Variants in CERKL observed in about 807,000 individuals in gnomAD.
CERKL encodes CERK like autophagy regulator.
In CERKL, 61 loss-of-function variants were observed where a neutral mutation model predicts 63.4. The observed-to-expected ratio is 0.96, with a 90% CI of 0.78 to 1.19. CERKL has a LOEUF of 1.19. Ranked by LOEUF, CERKL falls within the 50% of genes most tolerant of loss-of-function variation. The pLI, the probability that CERKL is intolerant of heterozygous loss-of-function variation, is 0.00. For synonymous variants in CERKL, 250 were observed against 230.5 expected (o/e 1.08, Z -0.77); for missense variants, 675 against 655.5 (o/e 1.03, Z -0.33).
intron 2 of CERKL, among the ~76,000 whole-genome samples, chr2:181,598,155 C>A (rs144621768): frequency 6.6e-6 from 1 of 152,106 alleles, no homozygotes; most frequent in Non-Finnish European, 1.5e-5. Flanking sequence ...AGTGAGAATG[C>A]CACTTAGGCT....
At position 181,579,988 on chromosome 2, in the gene CERKL, C is replaced by T. The variant is rs534229644; in HGVS notation, c.482-6104G>A. 2.0e-5 allele frequency among the ~76,000 whole-genome samples: 3 copies of T among 151,964 alleles called. No homozygotes were observed. The South Asian group carries it at 6.2e-4, about 32-fold the overall frequency. ...TTTAAACATTATAGTTTTATAATGA[C>T]TTAATAGTCAATAAGACTGGTCTCT... On this transcript the variant is annotated intron_variant, in intron 2 of 12. Coordinates refer to ENST00000410087, the MANE Select transcript of CERKL (RefSeq NM_201548.5).
chr2:181,539,677 A>G (rs1365621862), intron 11 of CERKL, among the ~76,000 whole-genome samples: 1 of 152,196 alleles, frequency 6.6e-6, no homozygotes, highest in African/African-American at 2.4e-5. Flanking sequence ...ATTTGGAAGA[A>G]CGCAAGTCTA....
intron 2 of CERKL, among the ~76,000 whole-genome samples, chr2:181,577,344 G>C (rs574646458): frequency 5.9e-5 from 9 of 152,196 alleles, no homozygotes; most frequent in Non-Finnish European, 1.2e-4. Context: ...CTAATGGATT[G>C]AGCTTCAACA....
chr2:181,641,077 G>T (rs1687399662), intron 1 of CERKL, among the ~76,000 whole-genome samples: 1 of 152,064 alleles, frequency 6.6e-6, no homozygotes, highest in African/African-American at 2.4e-5. Flanking sequence ...CAGACTAAGA[G>T]AGTTACCATT....
intron 2 of CERKL, among the ~76,000 whole-genome samples, chr2:181,597,133 A>G (rs1373348221): frequency 6.6e-6 from 1 of 152,184 alleles, no homozygotes; most frequent in Non-Finnish European, 1.5e-5. Context: ...TAGAGTAGAA[A>G]GGGTTCAAAT....
At chr2:181,626,379 T>C (rs1355445575) in intron 1 of CERKL, among the ~76,000 whole-genome samples, 1 of 150,576 alleles carries the variant, frequency 6.6e-6, no homozygotes, top group Non-Finnish European at 1.5e-5. Context: ...AAAAAAGAGA[T>C]CTGAGAAGGC....
chr2:181,582,409 G>A (rs745751958), intron 2 of CERKL, among the ~76,000 whole-genome samples: 17 of 151,850 alleles, frequency 1.1e-4, no homozygotes, highest in Admixed American at 3.9e-4. Flanking sequence ...CATATTTAAT[G>A]TACTACAGTC....
At chr2:181,613,250 A>G (rs1686051270) in intron 1 of CERKL, among the ~76,000 whole-genome samples, 1 of 152,224 alleles carries the variant, frequency 6.6e-6, no homozygotes, top group Non-Finnish European at 1.5e-5. Flanking sequence ...AAGTGAGATC[A>G]TCTGTTTTTA....
chr2:181,619,396 C>T (rs976286667), intron 1 of CERKL, among the ~76,000 whole-genome samples: 1 of 151,864 alleles, frequency 6.6e-6, no homozygotes, highest in Non-Finnish European at 1.5e-5. Context: ...TATATCATAC[C>T]AGATGATCTT....
chr2:181,644,624 G>A (rs1423264097), intron 1 of CERKL, among the ~76,000 whole-genome samples: 1 of 152,148 alleles, frequency 6.6e-6, no homozygotes, highest in Non-Finnish European at 1.5e-5. Context: ...AGAAGTGGAT[G>A]AACCTTAACT....
chr2:181,542,548 A>G (rs1158768944), intron 11 of CERKL, among the ~76,000 whole-genome samples: 1 of 152,182 alleles, frequency 6.6e-6, no homozygotes, highest in Non-Finnish European at 1.5e-5. Context: ...AACAAATCAA[A>G]TTAACATTGC....
In CERKL at chr2:181,537,288, A is replaced by C. The variant is rs1333780167; in HGVS notation, c.*896T>G. Reference sequence around the variant, plus strand: ...TACTCAGAACTACTCAGAAACAACTATATATTTCAGGTTATCTGAGCACAG... The same window carrying C: ...TACTCAGAACTACTCAGAAACAACTCTATATTTCAGGTTATCTGAGCACAG... On this transcript the variant is annotated 3_prime_UTR_variant, in exon 13 of 13. Coordinates refer to ENST00000410087, the MANE Select transcript of CERKL (RefSeq NM_201548.5). The C allele has an allele frequency of 6.6e-6, 3 of 453,576 alleles. No homozygotes were observed. Among genetic ancestry groups the C allele is most frequent in the African/African-American group, 2.0e-5 (1 of 49,952 alleles). 28.1% of individuals were successfully genotyped at this position (453,576 alleles called of 1,614,324 possible).
chr2:181,541,759 T>C lies in CERKL; in HGVS notation c.1366-2495A>G, dbSNP rs888358162. The stretch of plus-strand genomic sequence containing the variant: ...TTAAGAGGAGACCAACAGAACAAGT[T>C]AGGGGACTGGTAGTGAGGAATGAGG... On this transcript the variant is annotated intron_variant, in intron 11 of 12. Transcript: ENST00000410087. 2.0e-5 allele frequency among the ~76,000 whole-genome samples: 3 copies of C among 152,126 alleles called. No homozygotes were observed. In the East Asian group the frequency reaches 5.8e-4, roughly 29 times the overall value.
intron 1 of CERKL, among the ~76,000 whole-genome samples, chr2:181,624,426 T>C (rs1191523875): frequency 6.6e-6 from 1 of 151,264 alleles, no homozygotes; most frequent in African/African-American, 2.4e-5. Context: ...TCCTAGCTAC[T>C]GGAGAAGCTA....
chr2:181,616,524 T>TAA, intron 1 of CERKL, among the ~76,000 whole-genome samples: 1 of 152,192 alleles, frequency 6.6e-6, no homozygotes, highest in Non-Finnish European at 1.5e-5. Flanking sequence ...AATGTTATTC[T>TAA]TTGAGCTTTA....
At chr2:181,653,385 T>G (rs1431244986) in intron 1 of CERKL, among the ~76,000 whole-genome samples, 1 of 152,234 alleles carries the variant, frequency 6.6e-6, no homozygotes, top group Non-Finnish European at 1.5e-5. Context: ...AAGTATCATA[T>G]GATCCAGCAA....
chr2:181,620,277 C>A (rs1033973339), intron 1 of CERKL, among the ~76,000 whole-genome samples: 4 of 152,094 alleles, frequency 2.6e-5, no homozygotes, highest in Non-Finnish European at 5.9e-5. Flanking sequence ...CTGAGGACCT[C>A]AAGGATAGTC....
chr2:181,546,520 G>A (rs184862946), intron 10 of CERKL, among the ~76,000 whole-genome samples: 138 of 152,300 alleles, frequency 9.1e-4, no homozygotes, highest in African/African-American at 3.0e-3. Context: ...AGCACTAGAT[G>A]TAATTAATGA....
intron 4 of CERKL, among the ~76,000 whole-genome samples, chr2:181,561,060 T>G (rs1272669527): frequency 6.6e-6 from 1 of 152,106 alleles, no homozygotes; most frequent in African/African-American, 2.4e-5. Flanking sequence ...GAAGGGAGGT[T>G]GGATATGCCT....
Sources: gnomAD v4.1 joint callset for allele counts (sites outside exome capture counted in the v4.1 genomes callset) on GRCh38, gnomAD v4.1.1 for gene constraint, MANE v1.5 for transcripts, NCBI Gene and HGNC (gene_info 2026-07-23, HGNC 2026-07-21) for gene names.